The following GABRB1 variants were observed in gnomAD, a reference collection of about 807,000 sequenced individuals.
The protein encoded by GABRB1 is gamma-aminobutyric acid type A receptor subunit beta1.
A neutral mutation model predicts 51.6 loss-of-function variants in GABRB1; 17 were observed. The ratio of observed to expected loss-of-function variants is 0.33; its 90% CI spans 0.23 to 0.49. The LOEUF (loss-of-function observed/expected upper bound fraction) is 0.49. Among genes scored for constraint, GABRB1 ranks in the 20% least tolerant of loss-of-function variants. The probability of loss-of-function intolerance (pLI) is 0.99; values close to 1 mark genes in which losing one functional copy is unlikely to be tolerated. For missense variants in GABRB1, 410 were observed against 600.6 expected (o/e 0.68, Z 3.32); for synonymous variants, 247 against 218.9 (o/e 1.13, Z -1.14).
At chr4:47,204,246 G>A (rs574166173) in intron 4 of GABRB1, among the ~76,000 whole-genome samples, 1 of 152,210 alleles carries the variant, frequency 6.6e-6, no homozygotes, top group South Asian at 2.1e-4. Flanking sequence ...GTTCACAGCT[G>A]GCCACAAACT....
intron 3 of GABRB1, among the ~76,000 whole-genome samples, chr4:47,068,841 C>A (rs937016181): frequency 2.6e-5 from 4 of 152,142 alleles, no homozygotes; most frequent in Admixed American, 6.5e-5. Context: ...GCACCAATAA[C>A]TTGCTCGATG....
intron 4 of GABRB1, among the ~76,000 whole-genome samples, chr4:47,236,001 T>C (rs781083644): frequency 2.6e-5 from 4 of 152,208 alleles, no homozygotes; most frequent in Non-Finnish European, 4.4e-5. Context: ...TCCTAGGTTT[T>C]TTTTCTTATA....
chr4:47,137,295 C>T (rs1449809316), intron 3 of GABRB1, among the ~76,000 whole-genome samples: 1 of 146,768 alleles, frequency 6.8e-6, no homozygotes, highest in Non-Finnish European at 1.5e-5. Context: ...GCGAGGAACA[C>T]CAGAGATTGG....
chr4:47,392,231 G>A (rs545914819), intron 5 of GABRB1, among the ~76,000 whole-genome samples: 1 of 151,982 alleles, frequency 6.6e-6, no homozygotes, highest in Non-Finnish European at 1.5e-5. Context: ...TTATGGAATT[G>A]CCAAAAGAGA....
At chr4:47,355,697 C>T (rs1273449243) in intron 5 of GABRB1, among the ~76,000 whole-genome samples, 2 of 152,136 alleles carry the variant, frequency 1.3e-5, no homozygotes, top group Non-Finnish European at 1.5e-5. Flanking sequence ...TTACTGTTTT[C>T]CTAATTTATA....
At chr4:47,420,957 C>CAG (rs1440133247) in intron 8 of GABRB1, among the ~76,000 whole-genome samples, 2 of 147,164 alleles carry the variant, frequency 1.4e-5, no homozygotes, top group Middle Eastern at 3.5e-3. Flanking sequence ...CACACACACA[C>CAG]ACACACACAC....
chr4:47,320,651 A>G (rs554008323), intron 5 of GABRB1, among the ~76,000 whole-genome samples: 16 of 152,326 alleles, frequency 1.1e-4, no homozygotes, highest in African/African-American at 3.8e-4. Flanking sequence ...AAAAGATGAT[A>G]AATTGCACTC....
chr4:47,100,300 T>C (rs547743730), intron 3 of GABRB1, among the ~76,000 whole-genome samples: 1 of 152,190 alleles, frequency 6.6e-6, no homozygotes, highest in East Asian at 1.9e-4. Context: ...CTAAAACGAC[T>C]GACAGATTTC....
At chr4:47,353,505 T>C (rs1035305751) in intron 5 of GABRB1, among the ~76,000 whole-genome samples, 1 of 152,170 alleles carries the variant, frequency 6.6e-6, no homozygotes, top group Non-Finnish European at 1.5e-5. Context: ...TTCTAACCTA[T>C]AAAGAAATAC....
upstream of GABRB1, among the ~76,000 whole-genome samples, chr4:47,031,103 C>G (rs760395524): frequency 6.6e-6 from 1 of 152,082 alleles, no homozygotes; most frequent in Non-Finnish European, 1.5e-5. Context: ...CCTTTAGTAA[C>G]TCTCCCGTTC....
chr4:47,156,578 A>C (rs1011505593), intron 3 of GABRB1, among the ~76,000 whole-genome samples: 13 of 152,176 alleles, frequency 8.5e-5, no homozygotes, highest in Admixed American at 5.2e-4. Flanking sequence ...ATCTAGGAAG[A>C]ATGTTACCTT....
At chr4:47,190,551 A>G (rs918693605) in intron 4 of GABRB1, among the ~76,000 whole-genome samples, 1 of 152,156 alleles carries the variant, frequency 6.6e-6, no homozygotes, top group African/African-American at 2.4e-5. Flanking sequence ...TCATTTTCAA[A>G]GGCTTTTAAA....
intron 4 of GABRB1, among the ~76,000 whole-genome samples, chr4:47,271,514 C>T (rs1373032318): frequency 6.6e-6 from 1 of 152,178 alleles, no homozygotes; most frequent in East Asian, 1.9e-4. Flanking sequence ...TATGGGGCAT[C>T]TCTTTCCCTG....
intron 4 of GABRB1, among the ~76,000 whole-genome samples, chr4:47,228,274 A>C (rs957976159): frequency 3.3e-5 from 5 of 152,250 alleles, no homozygotes; most frequent in Non-Finnish European, 5.9e-5. Flanking sequence ...TCCAGCTATG[A>C]ATCTGTGAAA....
chr4:47,207,289 C>A (rs1333618502), intron 4 of GABRB1, among the ~76,000 whole-genome samples: 1 of 151,946 alleles, frequency 6.6e-6, no homozygotes, highest in African/African-American at 2.4e-5. Context: ...CTCTAAAATG[C>A]CAACTTCTGT....
intron 4 of GABRB1, among the ~76,000 whole-genome samples, chr4:47,233,989 A>T (rs1721233870): frequency 6.6e-6 from 1 of 152,210 alleles, no homozygotes. Flanking sequence ...ATTGCCATGA[A>T]ATATTGCTTG....
intron 4 of GABRB1, among the ~76,000 whole-genome samples, chr4:47,204,733 C>T (rs917636394): frequency 1.4e-4 from 21 of 152,264 alleles, no homozygotes; most frequent in African/African-American, 4.6e-4. Flanking sequence ...TGCCTGCCAC[C>T]ATCCAAGTAA....
chr4:47,034,171 G>A (rs1725454032), intron 3 of GABRB1, among the ~76,000 whole-genome samples: 3 of 152,224 alleles, frequency 2.0e-5, no homozygotes, highest in South Asian at 4.1e-4. Context: ...AGCAAATGCA[G>A]CCTTTGTTCT....
At chr4:47,143,872 T>A (rs1717039997) in intron 3 of GABRB1, among the ~76,000 whole-genome samples, 1 of 151,912 alleles carries the variant, frequency 6.6e-6, no homozygotes, top group Non-Finnish European at 1.5e-5. Context: ...AGCTATTGTC[T>A]TTTTCTGGAA....
Sources: gnomAD v4.1 joint callset for allele counts (sites outside exome capture counted in the v4.1 genomes callset) on GRCh38, gnomAD v4.1.1 for gene constraint, MANE v1.5 for transcripts, NCBI Gene and HGNC (gene_info 2026-07-23, HGNC 2026-07-21) for gene names.